The following MGAT4C variants were observed in gnomAD, a reference collection of about 807,000 sequenced individuals.
The protein encoded by MGAT4C is MGAT4 family member C.
MGAT4C carries 19 observed loss-of-function variants against 40.1 expected under a neutral mutation model. The observed-to-expected ratio is 0.47, with a 90% CI of 0.33 to 0.70. The LOEUF (loss-of-function observed/expected upper bound fraction) is 0.70. Ranked by LOEUF, MGAT4C falls within the 30% of genes least tolerant of loss-of-function variation. The pLI is 0.02. For missense variants in MGAT4C, 491 were observed against 563.2 expected (o/e 0.87, Z 1.30); for synonymous variants, 181 against 187.1 (o/e 0.97, Z 0.27).
At chr12:86,439,353 T>C (rs1957189218) in intron 2 of MGAT4C, among the ~76,000 whole-genome samples, 2 of 151,956 alleles carry the variant, frequency 1.3e-5, no homozygotes, top group South Asian at 4.1e-4. Context: ...ACATGGAAAT[T>C]AAACAACCTA....
chr12:86,021,992 A>G (rs893900167), intron 2 of MGAT4C, among the ~76,000 whole-genome samples: 8 of 152,236 alleles, frequency 5.3e-5, no homozygotes, highest in Admixed American at 2.0e-4. Flanking sequence ...TAAAATGCTC[A>G]GATTACGAAT....
At chr12:86,116,795 A>T (rs1276769119) in intron 1 of MGAT4C, among the ~76,000 whole-genome samples, 1 of 152,160 alleles carries the variant, frequency 6.6e-6, no homozygotes, top group Non-Finnish European at 1.5e-5. Flanking sequence ...ACGATAACAT[A>T]CAGGATGATT....
At chr12:86,123,182 A>C (rs1244050824) in intron 1 of MGAT4C, among the ~76,000 whole-genome samples, 1 of 152,180 alleles carries the variant, frequency 6.6e-6, no homozygotes, top group Non-Finnish European at 1.5e-5. Context: ...TCCTTTAGCC[A>C]GCTCATAAAA....
intron 2 of MGAT4C, among the ~76,000 whole-genome samples, chr12:86,674,361 C>A (rs74476121): frequency 0.039 from 5,960 of 152,182 alleles, 182 homozygotes; most frequent in Non-Finnish European, 0.065. Flanking sequence ...TATGCATTTT[C>A]TTCCTATTTA....
chr12:86,241,461 T>C (rs1951779722), intron 1 of MGAT4C, among the ~76,000 whole-genome samples: 1 of 152,202 alleles, frequency 6.6e-6, no homozygotes. Flanking sequence ...TCTTTATTAT[T>C]ATTACGGGCT....
In MGAT4C at chr12:85,962,208, C is replaced by T. The variant is rs1046438629; in HGVS notation, c.*17081G>A. ...GGACTGTAGATTGTCATCTCAAGAT[C>T]AGTGTCAAATACATTCATTCATGTA... is the stretch of plus-strand genomic sequence containing the variant. On this transcript the variant is annotated 3_prime_UTR_variant, in exon 5 of 5. Coordinates refer to ENST00000611864, the MANE Select transcript of MGAT4C (RefSeq NM_001351288.2). The T allele has an allele frequency of 6.6e-6, 1 of 151,622 alleles. No homozygotes were observed. The highest frequency in any genetic ancestry group is 2.4e-5 in the African/African-American group (1 of 41,368). 9.4% of individuals were successfully genotyped at this position (151,622 alleles called of 1,614,324 possible).
chr12:86,764,051 A>C (rs192191857), intron 1 of MGAT4C, among the ~76,000 whole-genome samples: 3 of 152,258 alleles, frequency 2.0e-5, no homozygotes, highest in East Asian at 3.9e-4. Flanking sequence ...GAGCCGAAGC[A>C]GGGTGAGGCA....
At chr12:86,212,914 A>AC (rs1950536833) in intron 1 of MGAT4C, among the ~76,000 whole-genome samples, 1 of 147,496 alleles carries the variant, frequency 6.8e-6, no homozygotes, top group Non-Finnish European at 1.5e-5. Flanking sequence ...AAAAAAAAAA[A>AC]AAAAAAAGAA....
upstream of MGAT4C, among the ~76,000 whole-genome samples, chr12:86,259,978 G>A (rs2136094489): frequency 2.8e-5 from 1 of 36,362 alleles, no homozygotes; most frequent in Admixed American, 2.8e-4. Context: ...TGAATGTGGT[G>A]AGAGGAAGCT....
At chr12:86,005,594 G>A (rs1486829319) in intron 2 of MGAT4C, among the ~76,000 whole-genome samples, 1 of 152,120 alleles carries the variant, frequency 6.6e-6, no homozygotes. Flanking sequence ...GCAGGCCCAG[G>A]GAAGATGGGC....
chr12:86,600,895 T>C lies in MGAT4C; in HGVS notation c.-229+126314A>G, dbSNP rs550304311. Among the ~76,000 whole-genome samples, 12 of 152,356 alleles carry C rather than the reference T, an allele frequency of 7.9e-5. No homozygotes were observed. The South Asian group carries it at 1.9e-3, about 24-fold the overall frequency. On this transcript the variant is annotated intron_variant, in intron 2 of 7. Transcript: ENST00000548651. Reference sequence around the variant, plus strand: ...CTCAGAAGTTCCTGTTCCCACTCCCTGGCCCCTCCCTGCTCCCAGTGCCTG... The same window carrying C: ...CTCAGAAGTTCCTGTTCCCACTCCCCGGCCCCTCCCTGCTCCCAGTGCCTG...
intron 1 of MGAT4C, among the ~76,000 whole-genome samples, chr12:86,133,944 T>G (rs575801000): frequency 6.6e-6 from 1 of 152,156 alleles, no homozygotes; most frequent in East Asian, 1.9e-4. Context: ...TATTTCAAAC[T>G]TAGGAGATTT....
chr12:86,838,268 G>A (rs952758576), intron 1 of MGAT4C, among the ~76,000 whole-genome samples: 21 of 152,120 alleles, frequency 1.4e-4, no homozygotes, highest in Middle Eastern at 3.4e-3. Context: ...TTGTATTTTG[G>A]AAAATATAAA....
rs184886232 is a variant in MGAT4C at position 86,009,646 on chromosome 12, G to C, written c.-6-20094C>G. Among the ~76,000 whole-genome samples the C allele has an allele frequency of 2.1e-3, 321 of 152,146 alleles. 2 individuals carry two copies. Among genetic ancestry groups the C allele is most frequent in the African/African-American group, 7.2e-3 (297 of 41,534 alleles). On this transcript the variant is annotated intron_variant, in intron 2 of 4. Coordinates refer to ENST00000611864, the MANE Select transcript of MGAT4C (RefSeq NM_001351288.2). ...GCCTCTTTTATAATGTCTAAATTTT[G>C]TTTTACTTTTATTAATTCTGCTTTT...
intron 1 of MGAT4C, among the ~76,000 whole-genome samples, chr12:86,154,175 G>C (rs1320739598): frequency 6.6e-6 from 1 of 152,128 alleles, no homozygotes; most frequent in Non-Finnish European, 1.5e-5. Flanking sequence ...GCAGTTCTCT[G>C]GGTGGCCTTG....
chr12:86,522,644 A>T (rs1229035214), intron 2 of MGAT4C, among the ~76,000 whole-genome samples: 1 of 151,994 alleles, frequency 6.6e-6, no homozygotes, highest in Non-Finnish European at 1.5e-5. Flanking sequence ...CTCCTCCTCA[A>T]TTTTTTGGAA....
intron 2 of MGAT4C, among the ~76,000 whole-genome samples, chr12:86,510,042 A>C (rs1459626192): frequency 6.6e-6 from 1 of 152,124 alleles, no homozygotes; most frequent in Non-Finnish European, 1.5e-5. Context: ...TCCTGATTGA[A>C]TACCCTTTAT....
chr12:86,731,205 T>G (rs150738062), intron 1 of MGAT4C, among the ~76,000 whole-genome samples: 1 of 152,132 alleles, frequency 6.6e-6, no homozygotes, highest in Non-Finnish European at 1.5e-5. Context: ...CTGTTCTGTA[T>G]AATAGAGACA....
chr12:86,669,365 C>T (rs970493953), intron 2 of MGAT4C, among the ~76,000 whole-genome samples: 1 of 152,142 alleles, frequency 6.6e-6, no homozygotes, highest in African/African-American at 2.4e-5. Context: ...TCCAGGCATT[C>T]AGAGCACCTG....
Sources: gnomAD v4.1 joint callset for allele counts (sites outside exome capture counted in the v4.1 genomes callset) on GRCh38, gnomAD v4.1.1 for gene constraint, MANE v1.5 for transcripts, NCBI Gene and HGNC (gene_info 2026-07-23, HGNC 2026-07-21) for gene names.